The following ERC1 variants were observed in gnomAD, a reference collection of about 807,000 sequenced individuals.
The protein encoded by ERC1 is ELKS/RAB6-interacting/CAST family member 1.
ERC1 carries 56 observed loss-of-function variants against 132.0 expected under a neutral mutation model. That is an observed-to-expected ratio of 0.42 (90% CI 0.34 to 0.53). ERC1 has a LOEUF of 0.53. ERC1 is among the 20% of genes least tolerant of loss of function. The pLI is 0.03. For synonymous variants in ERC1, 478 were observed against 476.1 expected (o/e 1.00, Z -0.05); for missense variants, 1,202 against 1,349.9 (o/e 0.89, Z 1.72).
intron 2 of ERC1, among the ~76,000 whole-genome samples, chr12:1,051,815 G>C: frequency 6.6e-6 from 1 of 152,186 alleles, no homozygotes; most frequent in East Asian, 1.9e-4. Context: ...AAGGCACCGT[G>C]TCCTTATGAT....
intron 15 of ERC1, among the ~76,000 whole-genome samples, chr12:1,293,434 C>A (rs1594813953): frequency 8.4e-6 from 1 of 119,148 alleles, no homozygotes; most frequent in South Asian, 2.8e-4. Flanking sequence ...GCCTGGGCGA[C>A]AGAGCAAAAC....
At chr12:1,281,305 T>A (rs1436172750) in intron 14 of ERC1, among the ~76,000 whole-genome samples, 1 of 152,178 alleles carries the variant, frequency 6.6e-6, no homozygotes, top group East Asian at 1.9e-4. Flanking sequence ...CTTGCTTTAT[T>A]CTATTGTGTT....
At chr12:1,222,137 A>G (rs1959043870) in intron 12 of ERC1, among the ~76,000 whole-genome samples, 1 of 152,072 alleles carries the variant, frequency 6.6e-6, no homozygotes, top group African/African-American at 2.4e-5. Flanking sequence ...TTATAATCTT[A>G]TATGCATCTG....
At chr12:1,487,828 GA>G (rs1269660016) in intron 18 of ERC1, among the ~76,000 whole-genome samples, 7 of 110,582 alleles carry the variant, frequency 6.3e-5, no homozygotes, top group Non-Finnish European at 1.3e-4. Flanking sequence ...GAGAGAGAAA[GA>G]AAAGAAAAGA....
intron 17 of ERC1, among the ~76,000 whole-genome samples, chr12:1,410,000 T>A (rs910092679): frequency 6.6e-6 from 1 of 152,172 alleles, no homozygotes; most frequent in Non-Finnish European, 1.5e-5. Context: ...TGAGCCACCA[T>A]ACCTGGCCCC....
intron 12 of ERC1, among the ~76,000 whole-genome samples, chr12:1,202,516 T>TTGTGG (rs933856950): frequency 1.3e-5 from 2 of 151,910 alleles, no homozygotes; most frequent in South Asian, 4.2e-4. Flanking sequence ...TATTAGCCAG[T>TTGTGG]TGTGGTGGTG....
chr12:1,404,497 CAG>C (rs1243051746), intron 16 of ERC1, among the ~76,000 whole-genome samples: 2 of 151,958 alleles, frequency 1.3e-5, no homozygotes, highest in African/African-American at 4.8e-5. Context: ...AGAGCAAAAA[CAG>C]AAGAAAAACA....
chr12:1,065,017 T>C (rs1938820562), intron 2 of ERC1, among the ~76,000 whole-genome samples: 1 of 152,304 alleles, frequency 6.6e-6, no homozygotes, highest in East Asian at 1.9e-4. Flanking sequence ...TTTTCTTTTT[T>C]TGAGGCAGAG....
chr12:1,489,165 G>A (rs1202537917), intron 18 of ERC1, among the ~76,000 whole-genome samples: 1 of 152,090 alleles, frequency 6.6e-6, no homozygotes, highest in African/African-American at 2.4e-5. Flanking sequence ...CTGCCATCCT[G>A]AGGCTTCCCT....
chr12:1,328,915 T>C (rs1190072269), intron 15 of ERC1, among the ~76,000 whole-genome samples: 1 of 122,738 alleles, frequency 8.1e-6, no homozygotes, highest in Admixed American at 7.9e-5. Flanking sequence ...GGGAGGGTCC[T>C]TGTCTTTTTC....
chr12:1,338,523 C>A (rs1326735153), intron 15 of ERC1, among the ~76,000 whole-genome samples: 2 of 152,178 alleles, frequency 1.3e-5, no homozygotes, highest in East Asian at 3.8e-4. Context: ...CATATTCTGC[C>A]TTCTGTTTCT....
intron 18 of ERC1, among the ~76,000 whole-genome samples, chr12:1,464,289 C>T (rs570977871): frequency 2.0e-5 from 3 of 152,036 alleles, no homozygotes; most frequent in Admixed American, 6.6e-5. Flanking sequence ...AAAGATTGTT[C>T]CAGTCATTTC....
intron 3 of ERC1, among the ~76,000 whole-genome samples, chr12:1,102,143 TC>T (rs1944735521): frequency 6.6e-6 from 1 of 152,176 alleles, no homozygotes; most frequent in African/African-American, 2.4e-5. Context: ...TTTTTTTTTT[TC>T]TGGTACCAGC....
chr12:1,054,139 A>G (rs933354848), intron 2 of ERC1, among the ~76,000 whole-genome samples: 1 of 152,238 alleles, frequency 6.6e-6, no homozygotes, highest in Non-Finnish European at 1.5e-5. Context: ...CAAAACTAAC[A>G]AAGAGAAAAT....
chr12:1,059,111 G>T (rs1309790248), intron 2 of ERC1, among the ~76,000 whole-genome samples: 2 of 152,088 alleles, frequency 1.3e-5, no homozygotes, highest in East Asian at 3.8e-4. Context: ...AAATGGGATT[G>T]CATTCTTGGT....
chr12:1,472,655 A>G (rs1219628869), intron 18 of ERC1, among the ~76,000 whole-genome samples: 1 of 76,626 alleles, frequency 1.3e-5, no homozygotes, highest in East Asian at 2.6e-4. Context: ...GTCTCAAAAG[A>G]AAAAAAAAAA....
intron 17 of ERC1, 35 bp downstream of exon 17, chr12:1,408,282 C>G: frequency 6.7e-7 from 1 of 1,484,524 alleles, no homozygotes; most frequent in Middle Eastern, 1.7e-4. Context: ...TTAAAAAACC[C>G]ACACACTTAA....
At chr12:1,428,318 T>C (rs2092698043) in intron 17 of ERC1, among the ~76,000 whole-genome samples, 1 of 152,280 alleles carries the variant, frequency 6.6e-6, no homozygotes, top group South Asian at 2.1e-4. Flanking sequence ...CGTGGATGAG[T>C]TTTACCCTAA....
At position 1,317,485 on chromosome 12, in the gene ERC1, G is replaced by A. The variant is rs2081841956; in HGVS notation, c.2780+27473G>A. ...TTGATGGGTGCAGCAAACCACCATG[G>A]CACATGTATACCTATGTAACAAACC... On this transcript the variant is annotated intron_variant, in intron 15 of 18. Coordinates refer to ENST00000360905, the MANE Select transcript of ERC1 (RefSeq NM_178040.4). 2.6e-5 allele frequency among the ~76,000 whole-genome samples: 4 copies of A among 152,128 alleles called. No homozygotes were observed. The South Asian group carries it at 8.3e-4, about 32-fold the overall frequency.
Sources: gnomAD v4.1 joint callset for allele counts (sites outside exome capture counted in the v4.1 genomes callset) on GRCh38, gnomAD v4.1.1 for gene constraint, MANE v1.5 for transcripts, NCBI Gene and HGNC (gene_info 2026-07-23, HGNC 2026-07-21) for gene names.